MGAT4C: variants seen among roughly 807,000 people sequenced by gnomAD.
MGAT4C encodes the protein alpha-1,3-mannosyl-glycoprotein 4-beta-N-acetylglucosaminyltransferase C.
In MGAT4C, 19 loss-of-function variants were observed where a neutral mutation model predicts 40.1. The observed-to-expected ratio is 0.47, with a 90% CI of 0.33 to 0.70. The LOEUF (loss-of-function observed/expected upper bound fraction) is 0.70. Ranked by LOEUF, MGAT4C falls within the 30% of genes least tolerant of loss-of-function variation. MGAT4C has a pLI of 0.02. For missense variants in MGAT4C, 491 were observed against 563.2 expected (o/e 0.87, Z 1.30); for synonymous variants, 181 against 187.1 (o/e 0.97, Z 0.27).
chr12:86,745,685 T>C (rs1289637125), intron 1 of MGAT4C, among the ~76,000 whole-genome samples: 1 of 151,648 alleles, frequency 6.6e-6, no homozygotes, highest in Non-Finnish European at 1.5e-5. Flanking sequence ...TGATTAATGG[T>C]GCATGAATGA....
chr12:86,581,775 T>C (rs1013846688), intron 2 of MGAT4C, among the ~76,000 whole-genome samples: 2 of 151,396 alleles, frequency 1.3e-5, no homozygotes, highest in African/African-American at 4.8e-5. Flanking sequence ...TCACTAACAC[T>C]CTTATCTAAT....
chr12:86,229,322 T>C (rs1005938696), intron 1 of MGAT4C, among the ~76,000 whole-genome samples: 4 of 151,902 alleles, frequency 2.6e-5, no homozygotes, highest in African/African-American at 9.7e-5. Context: ...TTCAATCCAA[T>C]GTCTTTTCTT....
intron 2 of MGAT4C, among the ~76,000 whole-genome samples, chr12:86,579,527 G>A (rs556785055): frequency 2.0e-5 from 3 of 151,478 alleles, no homozygotes; most frequent in Admixed American, 6.6e-5. Flanking sequence ...AAGTTGTTGC[G>A]GTAATTATTT....
intron 2 of MGAT4C, among the ~76,000 whole-genome samples, chr12:86,631,160 A>T (rs898914632): frequency 6.6e-6 from 1 of 152,130 alleles, no homozygotes; most frequent in Non-Finnish European, 1.5e-5. Flanking sequence ...CACAATTGCT[A>T]CAAAGAGAAT....
At chr12:86,777,421 A>C (rs2136177805) in intron 1 of MGAT4C, among the ~76,000 whole-genome samples, 1 of 152,288 alleles carries the variant, frequency 6.6e-6, no homozygotes, top group South Asian at 2.1e-4. Context: ...CAGATAATTT[A>C]TCAGAATTGG....
chr12:85,980,469 A>C, intron 4 of MGAT4C, 39 bp from the exon 5 acceptor site: 1 of 1,501,790 alleles, frequency 6.7e-7, no homozygotes, highest in Non-Finnish European at 8.9e-7. Context: ...AATGTGAACT[A>C]GAAATATGGA....
At chr12:86,495,080 T>C (rs1022020316) in intron 2 of MGAT4C, among the ~76,000 whole-genome samples, 5 of 152,112 alleles carry the variant, frequency 3.3e-5, no homozygotes, top group African/African-American at 1.2e-4. Flanking sequence ...TACACTAAAG[T>C]TACTCTTAAC....
chr12:86,743,910 G>T (rs148725535), intron 1 of MGAT4C, among the ~76,000 whole-genome samples: 98 of 151,600 alleles, frequency 6.5e-4, no homozygotes, highest in African/African-American at 2.2e-3. Flanking sequence ...GTTGGTATCA[G>T]CAGGAAAAAG....
intron 2 of MGAT4C, among the ~76,000 whole-genome samples, chr12:86,645,733 A>G (rs1963523455): frequency 6.6e-6 from 1 of 151,740 alleles, no homozygotes; most frequent in South Asian, 2.1e-4. Flanking sequence ...TCTACATTTC[A>G]TTCTTCTTGA....
At chr12:86,500,826 A>G (rs1958327489) in intron 2 of MGAT4C, among the ~76,000 whole-genome samples, 1 of 152,118 alleles carries the variant, frequency 6.6e-6, no homozygotes, top group Admixed American at 6.6e-5. Context: ...AAAATCTGAA[A>G]TAAATATTTG....
At chr12:86,028,285 G>T in intron 2 of MGAT4C, 2 of 719,784 alleles carry the variant, frequency 2.8e-6, no homozygotes, top group Non-Finnish European at 4.1e-6. Flanking sequence ...GTAATTGACA[G>T]CATTCCCAAC....
At chr12:86,169,206 G>A (rs1886525841) in intron 1 of MGAT4C, among the ~76,000 whole-genome samples, 1 of 152,114 alleles carries the variant, frequency 6.6e-6, no homozygotes, top group Admixed American at 6.6e-5. Context: ...ATGAAAGAAT[G>A]AGGAGACAAG....
intron 1 of MGAT4C, among the ~76,000 whole-genome samples, chr12:86,217,762 T>C (rs1303463298): frequency 1.3e-5 from 2 of 152,156 alleles, no homozygotes; most frequent in African/African-American, 2.4e-5. Flanking sequence ...GAAAAAGCTA[T>C]CAAGTATGAA....
chr12:86,346,794 G>A (rs965163347), intron 3 of MGAT4C, among the ~76,000 whole-genome samples: 15 of 152,212 alleles, frequency 9.9e-5, no homozygotes, highest in Admixed American at 2.6e-4. Flanking sequence ...GACAGAGATA[G>A]GCAGACCGAT....
chr12:86,172,621 T>C (rs942528799), intron 1 of MGAT4C, among the ~76,000 whole-genome samples: 3 of 152,142 alleles, frequency 2.0e-5, no homozygotes, highest in African/African-American at 7.2e-5. Flanking sequence ...ATATAATTTA[T>C]CATTCATTTA....
intron 2 of MGAT4C, among the ~76,000 whole-genome samples, chr12:86,491,539 A>C (rs1958135341): frequency 6.6e-6 from 1 of 152,156 alleles, no homozygotes; most frequent in Non-Finnish European, 1.5e-5. Context: ...AACCAAAGAC[A>C]AAAACCACAT....
intron 3 of MGAT4C, among the ~76,000 whole-genome samples, chr12:86,430,080 T>C (rs1425902589): frequency 6.6e-6 from 1 of 152,182 alleles, no homozygotes; most frequent in Non-Finnish European, 1.5e-5. Flanking sequence ...CATTGTATTC[T>C]TCATCTCTAA....
chr12:86,816,701 T>G lies in MGAT4C; in HGVS notation c.-262+21965A>C, dbSNP rs911672812. ...AGTGGGTTTTGTATTAGTGTGAATA[T>G]TTTTGTGTGTTAATGTGTGTGTCTG... On this transcript the variant is annotated intron_variant, in intron 1 of 7. Coordinates refer to the MGAT4C transcript ENST00000548651. Among the ~76,000 whole-genome samples the G allele has an allele frequency of 2.0e-5, 3 of 151,680 alleles. No individual in the cohort carries two copies. In the Admixed American group the frequency reaches 2.0e-4, roughly 10 times the overall value.
At chr12:86,453,145 T>C (rs1957455603) in intron 2 of MGAT4C, among the ~76,000 whole-genome samples, 1 of 152,176 alleles carries the variant, frequency 6.6e-6, no homozygotes, top group African/African-American at 2.4e-5. Flanking sequence ...ACTCAAAGTG[T>C]ATATTTAAAT....
Sources: allele counts gnomAD v4.1 joint callset (sites outside exome capture counted in the v4.1 genomes callset), GRCh38; gene constraint gnomAD v4.1.1; transcripts MANE v1.5; gene names NCBI Gene and HGNC (gene_info 2026-07-23, HGNC 2026-07-21).